Variants in FGF14 observed in about 807,000 individuals in gnomAD.
FGF14 encodes the protein fibroblast growth factor homologous factor 4.
In FGF14, 5 loss-of-function variants were observed where a neutral mutation model predicts 25.5. The ratio of observed to expected loss-of-function variants is 0.20; its 90% confidence interval spans 0.10 to 0.41. The LOEUF (loss-of-function observed/expected upper bound fraction) is 0.41, where lower values mean the gene tolerates loss of function less well. Among genes scored for constraint, FGF14 ranks in the 10% least tolerant of loss-of-function variants. The pLI is 1.00. For missense variants in FGF14, 222 were observed against 320.1 expected, an observed-to-expected ratio of 0.69 and a Z score of 2.34; for synonymous variants, 138 against 118.3, an observed-to-expected ratio of 1.17 and a Z score of -1.08.
intron 1 of FGF14, among the ~76,000 whole-genome samples, chr13:102,036,454 G>C (rs540716293): frequency 6.6e-6 from 1 of 152,118 alleles, no homozygotes; most frequent in Non-Finnish European, 1.5e-5. Flanking sequence ...CCAGCCACTC[G>C]AGGGTGCTCC....
intron 3 of FGF14, among the ~76,000 whole-genome samples, chr13:101,839,822 T>C (rs182243412): frequency 6.6e-6 from 1 of 152,020 alleles, no homozygotes; most frequent in African/African-American, 2.4e-5. Flanking sequence ...ATGTAATGTA[T>C]GCTCTATGCT....
chr13:102,119,852 A>G (rs1239947105), intron 1 of FGF14, among the ~76,000 whole-genome samples: 1 of 152,200 alleles, frequency 6.6e-6, no homozygotes, highest in Non-Finnish European at 1.5e-5. Flanking sequence ...CAAAAATCAG[A>G]AAAAGTACAG....
At chr13:102,375,606 G>A (rs2139137498) in intron 1 of FGF14, among the ~76,000 whole-genome samples, 2 of 152,144 alleles carry the variant, frequency 1.3e-5, no homozygotes, top group South Asian at 4.2e-4. Flanking sequence ...TGCTTATATG[G>A]GAGGCTACAA....
intron 1 of FGF14, among the ~76,000 whole-genome samples, chr13:102,068,974 T>G (rs2043033384): frequency 6.6e-6 from 1 of 152,170 alleles, no homozygotes. Flanking sequence ...TATGTCTAGC[T>G]CGGGATTGTA....
intron 1 of FGF14, among the ~76,000 whole-genome samples, chr13:102,035,011 A>G (rs1249947438): frequency 6.6e-6 from 1 of 152,018 alleles, no homozygotes; most frequent in Non-Finnish European, 1.5e-5. Context: ...CCACCCCATC[A>G]CGCCATTATC....
Position 102,179,500 on chromosome 13 carries a change from C to T in FGF14, c.208+221971G>A, listed in dbSNP as rs1252495322. On this transcript the variant is annotated intron_variant, in intron 1 of 4. Coordinates refer to the FGF14 transcript ENST00000376131. ...GAACACAGGGTACCTTTTAACACCA[C>T]CACCATCACCAATACTCATAATAAA... Among the ~76,000 whole-genome samples the T allele has an allele frequency of 3.9e-5, 6 of 152,222 alleles. No homozygotes were observed. The South Asian group carries it at 1.2e-3, about 32-fold the overall frequency.
In FGF14 at chr13:101,872,030, A is replaced by C. The variant is rs574339308; in HGVS notation, c.304+3156T>G. ...CTTAATTCATCTGAAATTTTTAACA[A>C]AGGCAGTTTAGCAGGATGGTTCTGT... On this transcript the variant is annotated intron_variant, in intron 2 of 4. Coordinates refer to ENST00000376143, the MANE Select transcript of FGF14 (RefSeq NM_004115.4). Among the ~76,000 whole-genome samples the C allele has an allele frequency of 2.0e-5, 3 of 151,946 alleles. No individual in the cohort carries two copies. The East Asian group carries it at 5.9e-4, about 30-fold the overall frequency.
intron 1 of FGF14, among the ~76,000 whole-genome samples, chr13:102,093,242 A>C (rs1199140537): frequency 6.6e-6 from 1 of 152,204 alleles, no homozygotes; most frequent in East Asian, 1.9e-4. Context: ...ATATGTCAAT[A>C]CAAGCCTATT....
At chr13:101,728,832 A>T (rs1187293654) in intron 3 of FGF14, among the ~76,000 whole-genome samples, 1 of 152,110 alleles carries the variant, frequency 6.6e-6, no homozygotes, top group East Asian at 1.9e-4. Context: ...TGGCTCACTG[A>T]TGCTCATCCT....
chr13:102,370,880 T>C (rs1478392665), intron 1 of FGF14, among the ~76,000 whole-genome samples: 1 of 151,174 alleles, frequency 6.6e-6, no homozygotes, highest in Non-Finnish European at 1.5e-5. Flanking sequence ...ATAACACACA[T>C]AGTTCACATA....
At chr13:102,331,852 C>T (rs1001184553) in intron 1 of FGF14, among the ~76,000 whole-genome samples, 5 of 152,150 alleles carry the variant, frequency 3.3e-5, no homozygotes, top group Non-Finnish European at 7.3e-5. Flanking sequence ...AGAGAATGGG[C>T]ATTAAGAAAA....
chr13:101,809,228 T>A (rs1360982715), intron 3 of FGF14, among the ~76,000 whole-genome samples: 2 of 152,088 alleles, frequency 1.3e-5, no homozygotes, highest in African/African-American at 4.8e-5. Context: ...CTCAGAAAAA[T>A]TACTTTATGT....
chr13:101,952,312 G>C (rs1452806555), intron 1 of FGF14, among the ~76,000 whole-genome samples: 1 of 151,572 alleles, frequency 6.6e-6, no homozygotes, highest in East Asian at 1.9e-4. Context: ...GTTTCCCTTT[G>C]TTATACGGCA....
At chr13:101,913,634 CTTT>C (rs1321439644) in intron 1 of FGF14, among the ~76,000 whole-genome samples, 1 of 151,924 alleles carries the variant, frequency 6.6e-6, no homozygotes, top group Non-Finnish European at 1.5e-5. Flanking sequence ...TTCTATGCCT[CTTT>C]TTTTTCTCCC....
intron 1 of FGF14, among the ~76,000 whole-genome samples, chr13:102,072,743 C>A (rs1402743742): frequency 6.6e-6 from 1 of 152,074 alleles, no homozygotes; most frequent in African/African-American, 2.4e-5. Context: ...TAAAAATTAC[C>A]TGAAGCCTCA....
chr13:102,128,629 AACAG>A (rs1270120150), intron 1 of FGF14, among the ~76,000 whole-genome samples: 1 of 152,198 alleles, frequency 6.6e-6, no homozygotes, highest in Non-Finnish European at 1.5e-5. Context: ...AGTCACTGAA[AACAG>A]ACAAAGGGAA....
At chr13:101,848,833 A>G (rs962505087) in intron 3 of FGF14, among the ~76,000 whole-genome samples, 20 of 152,036 alleles carry the variant, frequency 1.3e-4, no homozygotes, top group African/African-American at 4.8e-4. Context: ...GTAAGTTTGA[A>G]GATATATAAA....
At chr13:102,222,203 G>A (rs1340008806) in intron 1 of FGF14, among the ~76,000 whole-genome samples, 1 of 152,086 alleles carries the variant, frequency 6.6e-6, no homozygotes, top group Non-Finnish European at 1.5e-5. Flanking sequence ...GCTATTCCTA[G>A]GGTTTTTCGA....
At chr13:102,042,682 G>T (rs1672030130) in intron 1 of FGF14, among the ~76,000 whole-genome samples, 1 of 152,176 alleles carries the variant, frequency 6.6e-6, no homozygotes, top group Admixed American at 6.5e-5. Context: ...CAGATTTGCA[G>T]TTAAATGGAA....
Sources: allele counts gnomAD v4.1 joint callset (sites outside exome capture counted in the v4.1 genomes callset), GRCh38; gene constraint gnomAD v4.1.1; transcripts MANE v1.5; gene names NCBI Gene and HGNC (gene_info 2026-07-23, HGNC 2026-07-21).